The following FGF12 variants were observed in gnomAD, a reference collection of about 807,000 sequenced individuals.
FGF12 encodes fibroblast growth factor 12B.
A neutral mutation model predicts 23.6 loss-of-function variants in FGF12; 14 were observed. The ratio of observed to expected loss-of-function variants is 0.59; its 90% CI spans 0.39 to 0.93. The LOEUF is 0.93. Ranked by LOEUF, FGF12 falls within the 40% of genes least tolerant of loss-of-function variation. FGF12 has a pLI of 0.00. For missense variants in FGF12, 175 were observed against 217.8 expected (o/e 0.80, Z 1.24); for synonymous variants, 62 against 77.3 (o/e 0.80, Z 1.04).
At chr3:192,501,719 A>G (rs1221686590) in intron 2 of FGF12, among the ~76,000 whole-genome samples, 1 of 152,226 alleles carries the variant, frequency 6.6e-6, no homozygotes, top group Non-Finnish European at 1.5e-5. Context: ...GGGAGAATTT[A>G]TTTCTACTCT....
intron 2 of FGF12, among the ~76,000 whole-genome samples, chr3:192,453,273 T>C (rs1722580255): frequency 6.6e-6 from 1 of 152,224 alleles, no homozygotes; most frequent in African/African-American, 2.4e-5. Context: ...TTGTATTTGA[T>C]TCTTTTGGGA....
At position 192,408,092 on chromosome 3, in the gene FGF12, G is replaced by A. The variant is rs752899505; in HGVS notation, c.14-47554C>T. ...GCACTTTGCTGAACACCCCGAGGAC[G>A]TGCCTCTCGCACAGGGAGCGCCCGT... is the stretch of plus-strand genomic sequence containing the variant. On this transcript the variant is annotated intron_variant, in intron 2 of 5. Transcript: ENST00000445105. This position sits in a 1 kb window ranked among gnomAD's most constrained non-coding sequence, Gnocchi z 7.3. 7 of 1,613,078 alleles carry A rather than the reference G, an allele frequency of 4.3e-6. No individual in the cohort carries two copies. The highest frequency in any genetic ancestry group is 4.0e-5 in the African/African-American group (3 of 74,954).
At chr3:192,651,598 A>C (rs191259588) in intron 2 of FGF12, among the ~76,000 whole-genome samples, 61 of 152,342 alleles carry the variant, frequency 4.0e-4, no homozygotes, top group African/African-American at 1.4e-3. Flanking sequence ...TGGGTGGACA[A>C]ATAAAGCATT....
At position 192,141,586 on chromosome 3, in the gene FGF12, T is replaced by G. The variant is rs1713388056; in HGVS notation, c.*2423A>C. Reference sequence around the variant, plus strand: ...AATATACAAATTGTGTGGTTAGAATTTTTTCTTAACTGCTATCAGGAAGGA... The same window carrying G: ...AATATACAAATTGTGTGGTTAGAATGTTTTCTTAACTGCTATCAGGAAGGA... On this transcript the variant is annotated 3_prime_UTR_variant, in exon 6 of 6. Transcript: ENST00000445105. 6.6e-6 allele frequency: 1 copy of G among 152,000 alleles called. No homozygotes were observed. The highest frequency in any genetic ancestry group is 2.4e-5 in the African/African-American group (1 of 41,432). 9.4% of individuals were successfully genotyped at this position (152,000 alleles called of 1,614,324 possible). A position where few individuals can be genotyped will look rare whatever the true frequency, so the allele number is the denominator to read the frequency against.
At chr3:192,375,975 C>T (rs184608784) in intron 2 of FGF12, among the ~76,000 whole-genome samples, 2 of 152,126 alleles carry the variant, frequency 1.3e-5, no homozygotes, top group Admixed American at 1.3e-4. Context: ...GATTTTATAA[C>T]ATTACTATAA....
intron 3 of FGF12, among the ~76,000 whole-genome samples, chr3:192,351,632 T>C (rs183093423): frequency 1.2e-3 from 190 of 152,280 alleles, no homozygotes; most frequent in African/African-American, 4.4e-3. Context: ...ATGAAACACA[T>C]TTGTAGCTCT....
intron 4 of FGF12, among the ~76,000 whole-genome samples, chr3:192,220,800 C>A (rs1437859623): frequency 6.6e-6 from 1 of 152,090 alleles, no homozygotes; most frequent in East Asian, 1.9e-4. Flanking sequence ...TTAAAAGTTT[C>A]TTTGAAGGAT....
intron 4 of FGF12, among the ~76,000 whole-genome samples, chr3:192,181,740 C>T (rs1325283402): frequency 2.7e-5 from 2 of 75,288 alleles, no homozygotes; most frequent in Non-Finnish European, 5.4e-5. Context: ...AAGCAATTCT[C>T]CTGCCTCAGC....
intron 2 of FGF12, among the ~76,000 whole-genome samples, chr3:192,572,629 C>G (rs1712692416): frequency 6.6e-6 from 1 of 152,172 alleles, no homozygotes; most frequent in South Asian, 2.1e-4. Context: ...GTTTTATGCA[C>G]AGACAAATAC....
intron 4 of FGF12, among the ~76,000 whole-genome samples, chr3:192,201,908 T>C (rs1717386813): frequency 6.6e-6 from 1 of 152,212 alleles, no homozygotes; most frequent in Non-Finnish European, 1.5e-5. Context: ...TGGGGAACAA[T>C]GTTCTTCTAT....
chr3:192,258,728 A>AT (rs1320402118), intron 4 of FGF12, among the ~76,000 whole-genome samples: 3 of 152,200 alleles, frequency 2.0e-5, no homozygotes, highest in Non-Finnish European at 4.4e-5. Flanking sequence ...AAATGGGCAG[A>AT]TTGATGACTA....
At chr3:192,228,498 T>G (rs576642690) in intron 4 of FGF12, among the ~76,000 whole-genome samples, 1 of 152,234 alleles carries the variant, frequency 6.6e-6, no homozygotes, top group South Asian at 2.1e-4. Context: ...TAGCAAAGCT[T>G]CCATGTCAAC....
intron 2 of FGF12, among the ~76,000 whole-genome samples, chr3:192,594,068 C>T (rs1294715779): frequency 1.3e-5 from 2 of 151,782 alleles, no homozygotes; most frequent in African/African-American, 2.4e-5. Context: ...TTCCAAAGAA[C>T]GTAGTGGAGC....
In FGF12 at chr3:192,570,910, TCC is replaced by T. The variant is rs1712603063; in HGVS notation, c.13+156269_13+156270del. Among the ~76,000 whole-genome samples, 3 of 152,326 alleles carry T rather than the reference TCC, an allele frequency of 2.0e-5. No individual in the cohort carries two copies. The South Asian group carries it at 6.2e-4, about 32-fold the overall frequency. Reference sequence around the variant, plus strand: ...TAAGCTGGAAGCTCACTTTCTGGCATCCGTCCTAGCAAGGCTAGGAAAGTAAA... The same window carrying T: ...TAAGCTGGAAGCTCACTTTCTGGCATGTCCTAGCAAGGCTAGGAAAGTAAA... On this transcript the variant is annotated intron_variant, in intron 2 of 5. Transcript: ENST00000445105.
chr3:192,421,852 G>A (rs958747928), intron 2 of FGF12, among the ~76,000 whole-genome samples: 4 of 151,652 alleles, frequency 2.6e-5, no homozygotes, highest in Non-Finnish European at 4.4e-5. Flanking sequence ...TCATCTCAAC[G>A]AAACTCTCTT....
chr3:192,284,126 C>T (rs1243428369), intron 4 of FGF12, among the ~76,000 whole-genome samples: 2 of 152,048 alleles, frequency 1.3e-5, no homozygotes, highest in Non-Finnish European at 2.9e-5. Context: ...AATAATAAAA[C>T]TGTACTTTGC....
At chr3:192,429,394 G>T (rs1721784735) in intron 2 of FGF12, among the ~76,000 whole-genome samples, 1 of 152,112 alleles carries the variant, frequency 6.6e-6, no homozygotes, top group African/African-American at 2.4e-5. Flanking sequence ...GAAAAATGCA[G>T]TCCTTTCTTT....
chr3:192,394,456 C>A (rs1210822884), intron 2 of FGF12, among the ~76,000 whole-genome samples: 1 of 152,128 alleles, frequency 6.6e-6, no homozygotes, highest in Non-Finnish European at 1.5e-5. Flanking sequence ...TATCATTAAG[C>A]CATTTTCTTA....
At chr3:192,490,093 C>A (rs1696763382) in intron 2 of FGF12, among the ~76,000 whole-genome samples, 1 of 152,106 alleles carries the variant, frequency 6.6e-6, no homozygotes, top group Non-Finnish European at 1.5e-5. Flanking sequence ...AAGTCTGTAA[C>A]TTACAGTGGA....
Sources: allele counts gnomAD v4.1 joint callset (sites outside exome capture counted in the v4.1 genomes callset), GRCh38; gene constraint gnomAD v4.1.1; non-coding constraint Gnocchi (gnomAD v3.1); transcripts MANE v1.5; gene names NCBI Gene and HGNC (gene_info 2026-07-23, HGNC 2026-07-21).